ZDHHC17: variants seen among roughly 807,000 people sequenced by gnomAD.
The protein encoded by ZDHHC17 is palmitoyltransferase ZDHHC17.
A neutral mutation model predicts 90.3 loss-of-function variants in ZDHHC17; 40 were observed. The ratio of observed to expected loss-of-function variants is 0.44; its 90% CI spans 0.34 to 0.58. The LOEUF is 0.58. ZDHHC17 is among the 20% of genes least tolerant of loss of function. ZDHHC17 has a pLI of 0.01. For missense variants in ZDHHC17, 614 were observed against 780.8 expected (o/e 0.79, Z 2.55); for synonymous variants, 235 against 252.4 (o/e 0.93, Z 0.65).
intron 6 of ZDHHC17, 96 bp from the exon 7 acceptor site, chr12:76,815,761 C>T (rs1953079554): frequency 7.8e-7 from 1 of 1,276,168 alleles, no homozygotes; most frequent in Non-Finnish European, 1.0e-6. Context: ...AAATGGAATG[C>T]TACTGTAAGC....
intron 1 of ZDHHC17, among the ~76,000 whole-genome samples, chr12:76,765,613 G>T (rs1264176328): frequency 6.6e-6 from 1 of 152,244 alleles, no homozygotes; most frequent in East Asian, 1.9e-4. Flanking sequence ...GTAGTTTTCA[G>T]ATGTTGCCTT....
chr12:76,765,925 C>G (rs1338357697), intron 1 of ZDHHC17, among the ~76,000 whole-genome samples: 1 of 152,188 alleles, frequency 6.6e-6, no homozygotes, highest in East Asian at 1.9e-4. Context: ...TGGTCTTGAA[C>G]TCTTGAACTC....
intron 1 of ZDHHC17, among the ~76,000 whole-genome samples, chr12:76,765,910 T>C (rs1389288335): frequency 3.3e-5 from 5 of 152,160 alleles, no homozygotes; most frequent in South Asian, 2.1e-4. Flanking sequence ...CTATGTTGTC[T>C]AGGCTGGTCT....
Position 76,797,498 on chromosome 12 carries a change from T to C in ZDHHC17, c.158T>C (p.Ile53Thr). 1 of 1,611,808 alleles carries C rather than the reference T, an allele frequency of 6.2e-7. No individual in the cohort carries two copies. The highest frequency in any genetic ancestry group is 8.5e-7 in the Non-Finnish European group (1 of 1,178,844). Reference sequence around the variant, plus strand: ...GAACCTCTTGGACGGAAAACTCATATTGATGATTACAGCACATGGGACATA... The same window carrying C: ...GAACCTCTTGGACGGAAAACTCATACTGATGATTACAGCACATGGGACATA... Reference protein sequence around the residue: ...YGEPLGRKTHIDDYSTWDIVK... With the variant: ...YGEPLGRKTHTDDYSTWDIVK... The change falls in exon 2 of 17, where the codon ATT (isoleucine) becomes ACT (threonine). Residue 53 changes from isoleucine to threonine, a missense_variant. This residue lies in a region of ZDHHC17 where 358 missense variants were observed against 380.4 expected (regional missense o/e 0.94). Coordinates refer to ENST00000426126, the MANE Select transcript of ZDHHC17 (RefSeq NM_015336.4).
intron 2 of ZDHHC17, among the ~76,000 whole-genome samples, chr12:76,799,817 C>T (rs1214566321): frequency 6.6e-6 from 1 of 151,916 alleles, no homozygotes; most frequent in Non-Finnish European, 1.5e-5. Flanking sequence ...CAGGTTGAGT[C>T]CCTTATTCAA....
At chr12:76,764,506 A>G in intron 1 of ZDHHC17, 177 bp downstream of exon 1, 1 of 627,706 alleles carries the variant, frequency 1.6e-6, no homozygotes, top group Non-Finnish European at 2.7e-6. Flanking sequence ...GGGAGGAGAT[A>G]GCGGGGCGGG....
At chr12:76,799,652 T>A (rs1428523111) in intron 2 of ZDHHC17, among the ~76,000 whole-genome samples, 1 of 152,212 alleles carries the variant, frequency 6.6e-6, no homozygotes, top group East Asian at 1.9e-4. Context: ...TTAAAAATGA[T>A]CTGAACAATT....
chr12:76,834,341 A>G (rs948291393), intron 10 of ZDHHC17, among the ~76,000 whole-genome samples: 1 of 152,198 alleles, frequency 6.6e-6, no homozygotes, highest in Non-Finnish European at 1.5e-5. Flanking sequence ...TAGAAATTTT[A>G]TGTCTGAAAA....
chr12:76,841,922 G>A (rs1953440290), intron 10 of ZDHHC17, 60 bp from the exon 11 acceptor site: 2 of 1,261,408 alleles, frequency 1.6e-6, no homozygotes, highest in Non-Finnish European at 2.0e-6. Context: ...TAGATTATAA[G>A]TTTATATATA....
In ZDHHC17 at chr12:76,764,204, G is replaced by T. The variant is rs776067431; in HGVS notation, c.-33G>T. On this transcript the variant is annotated 5_prime_UTR_variant, in exon 1 of 17. Coordinates refer to ENST00000426126, the MANE Select transcript of ZDHHC17 (RefSeq NM_015336.4). ...CCCGCGCTCGCCCTCCGCCTCGCCC[G>T]AGCCCCGGGAGGGTGAAACGCTTTC... 8.1e-5 allele frequency: 108 copies of T among 1,341,572 alleles called. 2 individuals carry two copies. In the South Asian group the frequency reaches 1.2e-3, roughly 15 times the overall value. The allele number at this position is 1,341,572 out of a possible 1,614,324, so 83.1% of individuals were successfully genotyped here. A position where few individuals can be genotyped will look rare whatever the true frequency, so the allele number is the denominator to read the frequency against.
chr12:76,765,859 C>A (rs1804800109), intron 1 of ZDHHC17, among the ~76,000 whole-genome samples: 1 of 152,096 alleles, frequency 6.6e-6, no homozygotes, highest in Non-Finnish European at 1.5e-5. Flanking sequence ...CGCCACCATA[C>A]CCGGCTGATT....
At chr12:76,841,549 T>C (rs1953435154) in intron 10 of ZDHHC17, among the ~76,000 whole-genome samples, 1 of 152,258 alleles carries the variant, frequency 6.6e-6, no homozygotes, top group African/African-American at 2.4e-5. Context: ...TCAATTTCAG[T>C]GTGTTCAAAA....
At chr12:76,765,586 G>A (rs532472701) in intron 1 of ZDHHC17, among the ~76,000 whole-genome samples, 29 of 152,332 alleles carry the variant, frequency 1.9e-4, no homozygotes, top group African/African-American at 6.3e-4. Flanking sequence ...CCTAACATAC[G>A]TCAGGAAATA....
At chr12:76,839,070 A>G (rs985090067) in intron 10 of ZDHHC17, among the ~76,000 whole-genome samples, 7 of 152,216 alleles carry the variant, frequency 4.6e-5, no homozygotes, top group African/African-American at 1.7e-4. Context: ...GAAATCTCTC[A>G]TTCTACTTTA....
Position 76,822,602 on chromosome 12 carries a change from T to G in ZDHHC17, c.897+71T>G, listed in dbSNP as rs534654040. On this transcript the variant is annotated intron_variant, in intron 8 of 16. Coordinates refer to ENST00000426126, the MANE Select transcript of ZDHHC17 (RefSeq NM_015336.4). ...GGAGTTTCGCTCTTGTTGCCCAGGC[T>G]GGAGTGCAGTGGCGAGATTTTGGCT... 4.2e-4 allele frequency: 530 copies of G among 1,260,804 alleles called. 4 individuals carry two copies. The African/African-American group carries it at 7.3e-3, about 17-fold the overall frequency. The allele number at this position is 1,260,804 out of a possible 1,614,324, so 78.1% of individuals were successfully genotyped here.
chr12:76,783,210 C>T (rs528260806), intron 1 of ZDHHC17, among the ~76,000 whole-genome samples: 1 of 152,266 alleles, frequency 6.6e-6, no homozygotes, highest in Non-Finnish European at 1.5e-5. Context: ...GAGAAAACTA[C>T]AAAACTCCAG....
At chr12:76,833,689 G>T (rs901689691) in intron 10 of ZDHHC17, among the ~76,000 whole-genome samples, 1 of 152,182 alleles carries the variant, frequency 6.6e-6, no homozygotes, top group Non-Finnish European at 1.5e-5. Flanking sequence ...CTATTCGGGA[G>T]GCTGAGGCAG....
At chr12:76,791,720 A>G (rs1952761908) in intron 1 of ZDHHC17, among the ~76,000 whole-genome samples, 2 of 152,108 alleles carry the variant, frequency 1.3e-5, no homozygotes, top group African/African-American at 4.8e-5. Context: ...GTCCCACAAG[A>G]CTGAAGTCCC....
intron 5 of ZDHHC17, among the ~76,000 whole-genome samples, chr12:76,810,921 T>C (rs1054540672): frequency 1.3e-5 from 2 of 152,158 alleles, no homozygotes; most frequent in African/African-American, 2.4e-5. Context: ...TACAAACTGC[T>C]TAACTGGGAG....
Sources: gnomAD v4.1 joint callset for allele counts (sites outside exome capture counted in the v4.1 genomes callset) on GRCh38, gnomAD v4.1.1 for gene constraint, gnomAD v4.1.1 regional missense constraint, MANE v1.5 for transcripts, NCBI Gene and HGNC (gene_info 2026-07-23, HGNC 2026-07-21) for gene names.